TMEM178A: variants seen among roughly 807,000 people sequenced by gnomAD.
TMEM178A encodes transmembrane protein 178A.
A neutral mutation model predicts 29.1 loss-of-function variants in TMEM178A; 12 were observed. That is an observed-to-expected ratio of 0.41 (90% CI 0.26 to 0.67). The LOEUF (loss-of-function observed/expected upper bound fraction) is 0.67, where lower values mean the gene tolerates loss of function less well. Ranked by LOEUF, TMEM178A falls within the 30% of genes least tolerant of loss-of-function variation. The probability of loss-of-function intolerance (pLI) is 0.29; values close to 1 mark genes in which losing one functional copy is unlikely to be tolerated. For synonymous variants in TMEM178A, 210 were observed against 187.2 expected (o/e 1.12, Z -0.99); for missense variants, 366 against 419.1 (o/e 0.87, Z 1.11).
At chr2:39,722,153 A>C (rs1323371924), downstream of TMEM178A, among the ~76,000 whole-genome samples, 1 of 152,120 alleles carries the variant, frequency 6.6e-6, no homozygotes, top group Non-Finnish European at 1.5e-5. Context: ...GGTGGTGATG[A>C]AAATGCACAG....
chr2:39,679,905 A>G (rs945150681), intron 1 of TMEM178A, among the ~76,000 whole-genome samples: 3 of 152,104 alleles, frequency 2.0e-5, no homozygotes, highest in African/African-American at 4.8e-5. Flanking sequence ...CAGACTTGCT[A>G]CTAGGGAGAT....
chr2:39,727,998 T>C, the TMEM178A span, among the ~76,000 whole-genome samples: 8 of 152,362 alleles, frequency 5.3e-5, no homozygotes, highest in Admixed American at 3.9e-4. Context: ...GTCTTTGCTA[T>C]TGTGAATAAT....
rs1389253804 is a variant in TMEM178A, at chr2:39,666,266, G to C, written c.292G>C (p.Gly98Arg). The C allele has an allele frequency of 2.2e-6, 3 of 1,388,200 alleles. No individual in the cohort carries two copies. Among genetic ancestry groups the C allele is most frequent in the Non-Finnish European group, 2.8e-6 (3 of 1,070,604 alleles). 86.0% of individuals were successfully genotyped at this position (1,388,200 alleles called of 1,614,324 possible). Reference protein sequence around the residue: ...ESWRSLLGLGGLDAECGRPLF... With the variant: ...ESWRSLLGLGRLDAECGRPLF... ...CTGGCGCTCGCTCCTGGGGCTCGGC[G>C]GGCTGGACGCCGAGTGCGGCCGGCC... is the stretch of plus-strand genomic sequence containing the variant. Residue 98 changes from glycine to arginine, a missense_variant, in exon 1 of 4, where the codon GGG becomes CGG. By Grantham distance (125) the Gly-to-Arg change is moderately radical (BLOSUM62 -2). Transcript: ENST00000281961.
At chr2:39,700,301 C>G (rs919034546) in intron 1 of TMEM178A, among the ~76,000 whole-genome samples, 2 of 152,110 alleles carry the variant, frequency 1.3e-5, no homozygotes, top group African/African-American at 4.8e-5. Flanking sequence ...TTTGAATTGT[C>G]TATTTCTCCC....
chr2:39,675,498 C>T (rs958527027), intron 1 of TMEM178A, among the ~76,000 whole-genome samples: 1 of 151,908 alleles, frequency 6.6e-6, no homozygotes, highest in Non-Finnish European at 1.5e-5. Flanking sequence ...CAGAGTAGTT[C>T]CCCGTTGACT....
chr2:39,676,476 A>G (rs1348859591), intron 1 of TMEM178A, among the ~76,000 whole-genome samples: 1 of 152,228 alleles, frequency 6.6e-6, no homozygotes, highest in Non-Finnish European at 1.5e-5. Flanking sequence ...GTCTTCTTTT[A>G]CAATAAATGT....
intron 2 of TMEM178A, 49 bp from the exon 3 acceptor site, chr2:39,707,000 G>T: frequency 6.4e-7 from 1 of 1,557,484 alleles, no homozygotes; most frequent in South Asian, 1.2e-5. Flanking sequence ...AATTCTTAAT[G>T]ACTTTCCTGA....
intron 1 of TMEM178A, among the ~76,000 whole-genome samples, chr2:39,668,698 A>T (rs1187715631): frequency 6.6e-6 from 1 of 152,244 alleles, no homozygotes; most frequent in Non-Finnish European, 1.5e-5. Context: ...TTATAGGATC[A>T]TAATTTGTTG....
At chr2:39,705,710 C>G (rs1572687985) in intron 2 of TMEM178A, among the ~76,000 whole-genome samples, 1 of 152,168 alleles carries the variant, frequency 6.6e-6, no homozygotes, top group Non-Finnish European at 1.5e-5. Context: ...GTAATCCATC[C>G]TCCATGAAGC....
chr2:39,709,967 C>G (rs1334774243), intron 3 of TMEM178A, among the ~76,000 whole-genome samples: 2 of 152,156 alleles, frequency 1.3e-5, no homozygotes, highest in African/African-American at 4.8e-5. Context: ...AGGGGCCAGT[C>G]TGGTTTTAAA....
intron 3 of TMEM178A, among the ~76,000 whole-genome samples, chr2:39,711,972 TG>T (rs1248499723): frequency 1.3e-5 from 2 of 151,908 alleles, no homozygotes; most frequent in African/African-American, 4.8e-5. Context: ...GGCCAGGATT[TG>T]CCACTACAGA....
intron 3 of TMEM178A, among the ~76,000 whole-genome samples, chr2:39,711,271 T>C (rs1185669290): frequency 4.6e-5 from 7 of 152,270 alleles, no homozygotes; most frequent in African/African-American, 1.7e-4. Context: ...AAGTGATGCA[T>C]TCTATTAGAT....
chr2:39,701,964 G>T (rs1671800661), intron 1 of TMEM178A, among the ~76,000 whole-genome samples: 2 of 151,806 alleles, frequency 1.3e-5, no homozygotes, highest in Admixed American at 1.3e-4. Flanking sequence ...TTAGTTATTT[G>T]GATAGGTTTT....
the TMEM178A span, among the ~76,000 whole-genome samples, chr2:39,733,598 C>T: frequency 6.6e-6 from 1 of 152,036 alleles, no homozygotes; most frequent in African/African-American, 2.4e-5. Context: ...AAGGTGAAGT[C>T]CTTATTTACT....
chr2:39,673,183 G>A (rs1292794908), intron 1 of TMEM178A, among the ~76,000 whole-genome samples: 1 of 152,162 alleles, frequency 6.6e-6, no homozygotes, highest in Non-Finnish European at 1.5e-5. Flanking sequence ...GCATGAGAGA[G>A]TCCGCCTTGG....
chr2:39,730,328 G>A, the TMEM178A span, among the ~76,000 whole-genome samples: 1 of 152,158 alleles, frequency 6.6e-6, no homozygotes, highest in Non-Finnish European at 1.5e-5. Flanking sequence ...CTCAGAAAAA[G>A]GGGCTGACTA....
Position 39,693,162 on chromosome 2 carries a change from A to G in TMEM178A, c.401-10919A>G, listed in dbSNP as rs561360466. 1.4e-4 allele frequency among the ~76,000 whole-genome samples: 21 copies of G among 152,280 alleles called. 1 individual carries two copies. In the South Asian group the frequency reaches 3.9e-3, roughly 29 times the overall value. ...ATGAAAACAAAAAACAACAACAACA[A>G]AAGTCATACAGGAGAGTGAAGAAAG... On this transcript the variant is annotated intron_variant, in intron 1 of 3. Transcript: ENST00000281961.
In TMEM178A at chr2:39,666,078, AC is replaced by A. The variant is rs1195277514; in HGVS notation, c.109del (p.Arg37GlyfsTer23). 8 of 1,567,490 alleles carry A rather than the reference AC, an allele frequency of 5.1e-6. No individual in the cohort carries two copies. The highest frequency in any genetic ancestry group is 3.7e-5 in the Admixed American group (2 of 54,710). ...AIFTDHWYET[D>X]PRRHKESCER... ...TTCACCGACCACTGGTACGAGACCGACCCCCGGCGCCACAAGGAGAGCTGCG... is the reference window on the plus strand; with the variant it reads ...TTCACCGACCACTGGTACGAGACCGACCCCGGCGCCACAAGGAGAGCTGCG... On this transcript the variant is annotated frameshift_variant, in exon 1 of 4. Coordinates refer to ENST00000281961, the MANE Select transcript of TMEM178A (RefSeq NM_152390.3). LOFTEE classifies it high-confidence loss of function.
upstream of TMEM178A, chr2:39,665,504 G>A (rs1230437353): frequency 6.3e-6 from 1 of 158,334 alleles, no homozygotes; most frequent in Non-Finnish European, 1.4e-5. Flanking sequence ...GTGGGGGAAA[G>A]TGTGAGAGGA....
Sources: gnomAD v4.1 joint callset for allele counts (sites outside exome capture counted in the v4.1 genomes callset) on GRCh38, gnomAD v4.1.1 for gene constraint, MANE v1.5 for transcripts, NCBI Gene and HGNC (gene_info 2026-07-23, HGNC 2026-07-21) for gene names.